Variants in INVS observed in about 807,000 individuals in gnomAD.
INVS encodes the protein inversin.
A neutral mutation model predicts 108.8 loss-of-function variants in INVS; 86 were observed. The observed-to-expected ratio is 0.79, with a 90% confidence interval of 0.66 to 0.95. The LOEUF is 0.95. Ranked by LOEUF, INVS falls within the 40% of genes least tolerant of loss-of-function variation. The pLI, the probability that INVS is intolerant of heterozygous loss-of-function variation, is 0.00. For missense variants in INVS, 1,169 were observed against 1,297.4 expected (o/e 0.90, Z 1.52); for synonymous variants, 455 against 473.5 (o/e 0.96, Z 0.51).
rs115598824 is a variant in INVS, at chr9:100,292,481, G to A, written c.2224G>A (p.Val742Met). The A allele has an allele frequency of 3.0e-5, 49 of 1,614,156 alleles. No homozygotes were observed. In the Middle Eastern group the frequency reaches 8.2e-4, roughly 27 times the overall value. ...GCGGTGTGCAAAGGGGAAAGGCTTC[G>A]TGAAGCAGCCCTCCTGTATCAGGGT... ...DERCAKGKGF[V>M]KQPSCIRVAG... Residue 742 changes from valine to methionine, a missense_variant, in exon 14 of 17, where the codon GTG becomes ATG. Transcript: ENST00000262457.
chr9:100,212,534 C>T (rs1012509480), intron 3 of INVS, among the ~76,000 whole-genome samples: 1 of 152,018 alleles, frequency 6.6e-6, no homozygotes, highest in African/African-American at 2.4e-5. Context: ...TGCATAGATT[C>T]CCTTCAGGTG....
chr9:100,207,212 C>T (rs1336033532), intron 3 of INVS, among the ~76,000 whole-genome samples: 1 of 152,156 alleles, frequency 6.6e-6, no homozygotes, highest in Non-Finnish European at 1.5e-5. Context: ...CATCGTTTGA[C>T]CACTCACACC....
intron 1 of INVS, among the ~76,000 whole-genome samples, chr9:100,103,599 G>A (rs775578466): frequency 6.6e-6 from 1 of 151,458 alleles, no homozygotes; most frequent in Non-Finnish European, 1.5e-5. Context: ...CTGCACTCTA[G>A]CCTGGGTGAC....
chr9:100,186,576 A>T lies in INVS; in HGVS notation c.274-39486A>T, dbSNP rs536977006. Among the ~76,000 whole-genome samples the T allele has an allele frequency of 4.6e-5, 7 of 152,148 alleles. No individual in the cohort carries two copies. The East Asian group carries it at 7.7e-4, about 17-fold the overall frequency. On this transcript the variant is annotated intron_variant, in intron 3 of 16. Coordinates refer to ENST00000262457, the MANE Select transcript of INVS (RefSeq NM_014425.5). Reference sequence around the variant, plus strand: ...TGGCTGTTCTGGCTGGGCTATGGTGATATTATCTCATTGTGGTTTTAATTT... The same window carrying T: ...TGGCTGTTCTGGCTGGGCTATGGTGTTATTATCTCATTGTGGTTTTAATTT...
chr9:100,131,878 G>A (rs769817290), intron 3 of INVS: 62 of 969,882 alleles, frequency 6.4e-5, no homozygotes, highest in Non-Finnish European at 7.6e-5. Context: ...AGTTTTCAAG[G>A]TACGCTGTTT....
In INVS at chr9:100,153,430, A is replaced by G. The variant is rs564223058; in HGVS notation, c.273+26881A>G. Among the ~76,000 whole-genome samples, 5 of 152,348 alleles carry G rather than the reference A, an allele frequency of 3.3e-5. No individual in the cohort carries two copies. The East Asian group carries it at 9.6e-4, about 29-fold the overall frequency. ...AGAAAAGGAAATGGCCCTTCAATAT[A>G]TGAAAATATGCTCAATATTGTTCGT... On this transcript the variant is annotated intron_variant, in intron 3 of 16. Coordinates refer to ENST00000262457, the MANE Select transcript of INVS (RefSeq NM_014425.5).
chr9:100,240,791 T>A (rs1469653098), intron 6 of INVS, among the ~76,000 whole-genome samples: 2 of 152,162 alleles, frequency 1.3e-5, no homozygotes, highest in Non-Finnish European at 2.9e-5. Context: ...TCAGGTCTTT[T>A]TTTTTCCTGC....
intron 10 of INVS, among the ~76,000 whole-genome samples, chr9:100,263,752 T>G (rs933556838): frequency 2.6e-5 from 4 of 152,228 alleles, no homozygotes; most frequent in Admixed American, 6.5e-5. Context: ...TTTTTGGAAC[T>G]TTATGGCCCA....
At chr9:100,279,699 A>C (rs1833219776) in intron 12 of INVS, among the ~76,000 whole-genome samples, 1 of 152,226 alleles carries the variant, frequency 6.6e-6, no homozygotes, top group South Asian at 2.1e-4. Flanking sequence ...CACACTAACT[A>C]GACTTCTCTT....
chr9:100,138,412 A>G (rs927065093), intron 3 of INVS, among the ~76,000 whole-genome samples: 7 of 151,932 alleles, frequency 4.6e-5, no homozygotes, highest in African/African-American at 1.5e-4. Flanking sequence ...GTCTCAAAAA[A>G]AAATTTTATA....
intron 3 of INVS, among the ~76,000 whole-genome samples, chr9:100,142,270 G>C (rs1211562737): frequency 1.3e-5 from 2 of 152,152 alleles, no homozygotes; most frequent in Non-Finnish European, 2.9e-5. Context: ...TATAAATATT[G>C]ACGCATAGTC....
At chr9:100,148,902 C>T (rs183267183) in intron 3 of INVS, among the ~76,000 whole-genome samples, 1 of 152,240 alleles carries the variant, frequency 6.6e-6, no homozygotes, top group East Asian at 1.9e-4. Flanking sequence ...TGGGATTTGA[C>T]TGTGTTATGT....
intron 3 of INVS, among the ~76,000 whole-genome samples, chr9:100,149,326 T>C (rs1299137609): frequency 6.6e-6 from 1 of 152,186 alleles, no homozygotes; most frequent in African/African-American, 2.4e-5. Context: ...CTTAGAAATG[T>C]AGGGAAATCT....
intron 3 of INVS, among the ~76,000 whole-genome samples, chr9:100,172,394 G>C (rs556628690): frequency 2.0e-5 from 3 of 152,082 alleles, no homozygotes; most frequent in Admixed American, 6.6e-5. Context: ...GTCAGAATTC[G>C]TTCTGGATAC....
Position 100,104,489 on chromosome 9 carries a change from T to C in INVS, c.-24-9T>C. ...CTGCATGCGCTCATTGTCTGAATCA[T>C]TGTTTCAGGTTGCTCCGGTTGCTAA... On this transcript the variant is annotated splice_polypyrimidine_tract_variant and intron_variant, in intron 1 of 16. Transcript: ENST00000262457. 2.1e-6 allele frequency: 3 copies of C among 1,448,796 alleles called. No individual in the cohort carries two copies. Among genetic ancestry groups the C allele is most frequent in the Middle Eastern group, 1.7e-4 (1 of 5,730 alleles). 89.7% of individuals were successfully genotyped at this position (1,448,796 alleles called of 1,614,324 possible).
At position 100,246,687 on chromosome 9, in the gene INVS, T is replaced by G. The variant is rs1457973181; in HGVS notation, c.978T>G (p.Phe326Leu). Reference sequence around the variant, plus strand: ...CAGACCTGGAAGGAAGAACATCCTTTATGTGGGCAGCTGGCAAAGGCAGTG... The same window carrying G: ...CAGACCTGGAAGGAAGAACATCCTTGATGTGGGCAGCTGGCAAAGGCAGTG... ...DDSDLEGRTSFMWAAGKGSDD... is the reference protein window; with the variant it reads ...DDSDLEGRTSLMWAAGKGSDD... The change falls in exon 8 of 17, where the codon TTT becomes TTG. Residue 326 changes from phenylalanine to leucine, a missense_variant. By Grantham distance (22) the Phe-to-Leu change is conservative (BLOSUM62 0). Around this residue, in one of 3 missense-constraint regions of INVS, gnomAD observed 365 missense variants for 397.5 expected, o/e 0.92. Transcript: ENST00000262457. 2 of 1,613,730 alleles carry G rather than the reference T, an allele frequency of 1.2e-6. No homozygotes were observed. Among genetic ancestry groups the G allele is most frequent in the African/African-American group, 2.7e-5 (2 of 74,926 alleles).
At chr9:100,144,131 C>G (rs779559385) in intron 3 of INVS, among the ~76,000 whole-genome samples, 1 of 151,980 alleles carries the variant, frequency 6.6e-6, no homozygotes, top group Non-Finnish European at 1.5e-5. Context: ...TTCCTTGTCC[C>G]GGTGGCCAGA....
chr9:100,165,242 TG>T (rs1829324987), intron 3 of INVS, among the ~76,000 whole-genome samples: 1 of 152,162 alleles, frequency 6.6e-6, no homozygotes, highest in African/African-American at 2.4e-5. Flanking sequence ...TATCATTTTT[TG>T]TTAGAATTAC....
At chr9:100,278,807 C>T (rs1296025774) in intron 12 of INVS, among the ~76,000 whole-genome samples, 1 of 152,192 alleles carries the variant, frequency 6.6e-6, no homozygotes, top group Non-Finnish European at 1.5e-5. Flanking sequence ...ACCACTCATC[C>T]TCACAATGCT....
Sources: allele counts gnomAD v4.1 joint callset (sites outside exome capture counted in the v4.1 genomes callset), GRCh38; gene constraint gnomAD v4.1.1; regional missense constraint gnomAD v4.1.1; transcripts MANE v1.5; gene names NCBI Gene and HGNC (gene_info 2026-07-23, HGNC 2026-07-21).